HERC1: variants seen among roughly 807,000 people sequenced by gnomAD.
The protein encoded by HERC1 is probable E3 ubiquitin-protein ligase HERC1.
In HERC1, 160 loss-of-function variants were observed where a neutral mutation model predicts 554.3. That is an observed-to-expected ratio of 0.29 (90% CI 0.25 to 0.33). The LOEUF (loss-of-function observed/expected upper bound fraction) is 0.33. Ranked by LOEUF, HERC1 falls within the 10% of genes least tolerant of loss-of-function variation. The pLI is 1.00. For missense variants in HERC1, 4,919 were observed against 5,918.5 expected, an observed-to-expected ratio of 0.83 and a Z score of 5.54; for synonymous variants, 2,175 against 2,131.7, an observed-to-expected ratio of 1.02 and a Z score of -0.56.
In HERC1 at chr15:63,661,983, C is replaced by A. The variant is rs2070380672; in HGVS notation, c.8940G>T (p.Val2980=). The change falls in exon 45 of 78, where the codon GTG becomes GTT. Residue 2980 remains valine (V), a synonymous_variant. Coordinates refer to ENST00000443617, the MANE Select transcript of HERC1 (RefSeq NM_003922.4). ...CGACGCTGCATTCACACAGTTCACA[C>A]ACCACCACTTCTTCCCTGTCTTCAG... is the stretch of plus-strand genomic sequence containing the variant. ...CESEDREEVV[V]CELCECSVVS... 1 of 1,613,802 alleles carries A rather than the reference C, an allele frequency of 6.2e-7. No individual in the cohort carries two copies. Among genetic ancestry groups the A allele is most frequent in the South Asian group, 1.1e-5 (1 of 91,086 alleles).
At chr15:63,621,841 C>T (rs1430842427) in intron 74 of HERC1, among the ~76,000 whole-genome samples, 1 of 152,210 alleles carries the variant, frequency 6.6e-6, no homozygotes, top group African/African-American at 2.4e-5. Context: ...TCAGCTCCAT[C>T]AGGTCCTTTA....
At chr15:63,642,889 G>C in intron 59 of HERC1, 68 bp downstream of exon 59, 1 of 925,832 alleles carries the variant, frequency 1.1e-6, no homozygotes, top group Non-Finnish European at 1.7e-6. Flanking sequence ...AAGTGGGGTG[G>C]TTAGACTATG....
chr15:63,666,472 G>A lies in HERC1; in HGVS notation c.8207C>T (p.Ala2736Val), dbSNP rs2070644933. ...AAGTCTACTGCTTGGGTCTGACAAGGCTGAGACAAAAGGAAGAGAAATAAG... is the reference window on the plus strand; with the variant it reads ...AAGTCTACTGCTTGGGTCTGACAAGACTGAGACAAAAGGAAGAGAAATAAG... The part of the protein sequence containing the change: ...SQSARPANRT[A>V]LSDPSSRLST... Residue 2736 changes from alanine (A) to valine (V), a missense_variant and splice_region_variant, in exon 41 of 78, where the codon GCC becomes GTC. By Grantham distance (64) the Ala-to-Val change is moderately conservative (BLOSUM62 0). Coordinates refer to ENST00000443617, the MANE Select transcript of HERC1 (RefSeq NM_003922.4). 6.3e-7 allele frequency: 1 copy of A among 1,583,996 alleles called. No individual in the cohort carries two copies. Among genetic ancestry groups the A allele is most frequent in the African/African-American group, 1.4e-5 (1 of 73,482 alleles).
chr15:63,833,641 G>T (rs953270597), intron 1 of HERC1, among the ~76,000 whole-genome samples, 186 bp downstream of exon 1: 1 of 151,800 alleles, frequency 6.6e-6, no homozygotes, highest in African/African-American at 2.4e-5. Flanking sequence ...CGCCAGGAGG[G>T]CTCCCCCAGC....
intron 54 of HERC1, among the ~76,000 whole-genome samples, chr15:63,648,408 G>A (rs1017625293): frequency 1.3e-5 from 2 of 152,150 alleles, no homozygotes; most frequent in Admixed American, 6.5e-5. Flanking sequence ...CTGTGACAAG[G>A]GCTACCTACT....
intron 1 of HERC1, among the ~76,000 whole-genome samples, chr15:63,798,118 C>T (rs1267726407): frequency 1.3e-5 from 2 of 152,182 alleles, no homozygotes; most frequent in Non-Finnish European, 2.9e-5. Context: ...TGTGACACTA[C>T]CACCTGCTAC....
chr15:63,650,559 A>T (rs567156591), intron 53 of HERC1, among the ~76,000 whole-genome samples: 1 of 152,150 alleles, frequency 6.6e-6, no homozygotes, highest in African/African-American at 2.4e-5. Context: ...CTGAGGTTCC[A>T]GGCATATGTC....
intron 64 of HERC1, among the ~76,000 whole-genome samples, chr15:63,636,424 C>T (rs1027311914): frequency 6.6e-6 from 1 of 151,930 alleles, no homozygotes; most frequent in African/African-American, 2.4e-5. Flanking sequence ...GCATGTGCCA[C>T]CATATCTGGC....
At chr15:63,621,595 A>G (rs1007811921) in intron 74 of HERC1, among the ~76,000 whole-genome samples, 2 of 148,522 alleles carry the variant, frequency 1.3e-5, no homozygotes, top group South Asian at 2.1e-4. Flanking sequence ...GTGTTTTCCA[A>G]CTTGGTTCCA....
chr15:63,653,769 T>C (rs1195968662), intron 51 of HERC1, among the ~76,000 whole-genome samples: 1 of 152,208 alleles, frequency 6.6e-6, no homozygotes, highest in Non-Finnish European at 1.5e-5. Flanking sequence ...GATCATTATT[T>C]TTTACCCCAA....
At chr15:63,622,579 C>T (rs949879409) in intron 74 of HERC1, among the ~76,000 whole-genome samples, 19 of 152,094 alleles carry the variant, frequency 1.2e-4, no homozygotes, top group South Asian at 6.2e-4. Context: ...GTGATCCACC[C>T]GCCTCAGCCT....
In HERC1 at chr15:63,689,916, C is replaced by T. The variant is rs138447978; in HGVS notation, c.5938-217G>A. On this transcript the variant is annotated intron_variant, in intron 32 of 77. Coordinates refer to ENST00000443617, the MANE Select transcript of HERC1 (RefSeq NM_003922.4). ...CGGTGGCTCATGCCTGTAATCCCAG[C>T]ACTTTGGGAGGCTGAGGCGGGTGGA... 7.1e-3 allele frequency among the ~76,000 whole-genome samples: 1,077 copies of T among 152,206 alleles called. 14 individuals carry two copies. Among genetic ancestry groups the T allele is most frequent in the African/African-American group, 0.025 (1,036 of 41,520 alleles).
intron 1 of HERC1, among the ~76,000 whole-genome samples, chr15:63,829,135 C>A (rs2078039695): frequency 6.6e-6 from 1 of 151,956 alleles, no homozygotes; most frequent in African/African-American, 2.4e-5. Flanking sequence ...ATATAGAATA[C>A]AGGCAGGGTA....
chr15:63,788,177 G>GT (rs2076517911), intron 1 of HERC1, among the ~76,000 whole-genome samples: 1 of 152,034 alleles, frequency 6.6e-6, no homozygotes, highest in South Asian at 2.1e-4. Flanking sequence ...ATGAATTTGG[G>GT]TTTCTATTCT....
intron 1 of HERC1, among the ~76,000 whole-genome samples, chr15:63,786,742 G>C (rs1342024327): frequency 6.6e-6 from 1 of 152,156 alleles, no homozygotes; most frequent in Non-Finnish European, 1.5e-5. Context: ...GTAGTTGCCA[G>C]AGGCTGGAGA....
intron 25 of HERC1, among the ~76,000 whole-genome samples, chr15:63,699,602 G>T (rs2072613604): frequency 6.6e-6 from 1 of 152,150 alleles, no homozygotes; most frequent in Non-Finnish European, 1.5e-5. Context: ...CATATTTACT[G>T]CAGGTTGTGA....
At chr15:63,611,134 A>T (rs2067569904) in intron 77 of HERC1, among the ~76,000 whole-genome samples, 1 of 152,242 alleles carries the variant, frequency 6.6e-6, no homozygotes, top group Non-Finnish European at 1.5e-5. Flanking sequence ...AACAGGTTAC[A>T]TAAAAGCACA....
intron 14 of HERC1, among the ~76,000 whole-genome samples, chr15:63,732,276 C>T (rs2074330641): frequency 6.6e-6 from 1 of 152,144 alleles, no homozygotes; most frequent in African/African-American, 2.4e-5. Context: ...GCTGAGATTA[C>T]AGGCATAAGA....
chr15:63,662,281 A>G (rs368552326), intron 44 of HERC1, among the ~76,000 whole-genome samples: 10 of 152,316 alleles, frequency 6.6e-5, no homozygotes, highest in South Asian at 4.1e-4. Flanking sequence ...GTTAATGAAC[A>G]TGACAATCTG....
Sources: allele counts gnomAD v4.1 joint callset (sites outside exome capture counted in the v4.1 genomes callset), GRCh38; gene constraint gnomAD v4.1.1; transcripts MANE v1.5; gene names NCBI Gene and HGNC (gene_info 2026-07-23, HGNC 2026-07-21).